MFSD8: variants seen among roughly 807,000 people sequenced by gnomAD.
MFSD8 encodes major facilitator superfamily domain containing 8.
A neutral mutation model predicts 66.4 loss-of-function variants in MFSD8; 55 were observed. The ratio of observed to expected loss-of-function variants is 0.83; its 90% confidence interval spans 0.67 to 1.04. The LOEUF is 1.04. Ranked by LOEUF, MFSD8 falls within the 50% of genes least tolerant of loss-of-function variation. The pLI, the probability that MFSD8 is intolerant of heterozygous loss-of-function variation, is 0.00. For synonymous variants in MFSD8, 202 were observed against 212.8 expected, an observed-to-expected ratio of 0.95 and a Z score of 0.44; for missense variants, 550 against 627.6, an observed-to-expected ratio of 0.88 and a Z score of 1.32.
intron 2 of MFSD8, among the ~76,000 whole-genome samples, chr4:127,950,137 A>G (rs1741701205): frequency 6.6e-6 from 1 of 152,228 alleles, no homozygotes; most frequent in Non-Finnish European, 1.5e-5. Context: ...AAGCTTTGTT[A>G]AGTTTTTATA....
At chr4:127,959,367 C>T (rs1743375749) in intron 1 of MFSD8, among the ~76,000 whole-genome samples, 1 of 152,138 alleles carries the variant, frequency 6.6e-6, no homozygotes, top group East Asian at 1.9e-4. Flanking sequence ...CATTGATTAT[C>T]TCCTGCATAT....
At chr4:127,940,117 G>T (rs1739905784) in intron 5 of MFSD8, 120 bp from the exon 6 acceptor site, 4 of 985,714 alleles carry the variant, frequency 4.1e-6, no homozygotes. Flanking sequence ...TCTATATCAT[G>T]CATTCTCAAC....
chr4:127,936,461 C>T (rs566959578), intron 7 of MFSD8, among the ~76,000 whole-genome samples: 3 of 151,902 alleles, frequency 2.0e-5, no homozygotes, highest in South Asian at 4.2e-4. Context: ...TGCAGTGGCT[C>T]ACACCTGTAA....
intron 1 of MFSD8, chr4:127,964,749 G>A (rs1744712240): frequency 2.1e-6 from 1 of 474,488 alleles, no homozygotes; most frequent in South Asian, 2.1e-5. Context: ...GGCAGAGGAG[G>A]CCTGGAGAGC....
At chr4:127,947,898 A>ACACTCTCTCT (rs777137519) in intron 3 of MFSD8, among the ~76,000 whole-genome samples, 1 of 146,850 alleles carries the variant, frequency 6.8e-6, no homozygotes, top group African/African-American at 2.6e-5. Context: ...ACACACACAC[A>ACACTCTCTCT]CTCTCTCTCC....
rs1334064077 is a variant in MFSD8 at position 127,921,601 on chromosome 4, G to C, written c.1273C>G (p.Leu425Val). 4.3e-6 allele frequency: 7 copies of C among 1,614,042 alleles called. No individual in the cohort carries two copies. Among genetic ancestry groups the C allele is most frequent in the Middle Eastern group, 3.3e-4 (2 of 6,084 alleles). ...CAGACTGGATAGCCTAATCCTATTA[G>C]CACAGCTGATGTAAGGAACTGGGCC... is the stretch of plus-strand genomic sequence containing the variant. ...HLAQFLTSAV[L>V]IGLGYPVCNL... Residue 425 changes from leucine to valine, a missense_variant, in exon 11 of 12, where the codon CTA becomes GTA. By Grantham distance (32) the Leu-to-Val change is conservative. Coordinates refer to ENST00000641686, the MANE Select transcript of MFSD8 (RefSeq NM_001371596.2).
At chr4:127,957,467 T>G in intron 2 of MFSD8, 34 bp downstream of exon 2, 1 of 1,393,998 alleles carries the variant, frequency 7.2e-7, no homozygotes, top group Non-Finnish European at 1.0e-6. Flanking sequence ...ACATCTGATC[T>G]GAATTGTTAA....
Position 127,957,592 on chromosome 4 carries a change from T to G in MFSD8, c.63A>C (p.Arg21Ser), listed in dbSNP as rs201926015. The change falls in exon 2 of 12, where the codon AGA becomes AGC. Residue 21 changes from arginine (R) to serine (S), a missense_variant and splice_region_variant. Physicochemically the swap from Arg to Ser is moderately radical, Grantham distance 110. Transcript: ENST00000641686. Reference sequence around the variant, plus strand: ...CTTCAGTCTCTAAAATGTCCCATTCTCTAGGTGTAAAGAAGAAAAAAGTAG... The same window carrying G: ...CTTCAGTCTCTAAAATGTCCCATTCGCTAGGTGTAAAGAAGAAAAAAGTAG... ...EPLLGDTPGS[R>S]EWDILETEEH... 49 of 1,604,834 alleles carry G rather than the reference T, an allele frequency of 3.1e-5. No homozygotes were observed. The highest frequency in any genetic ancestry group is 4.1e-5 in the Non-Finnish European group (48 of 1,172,898).
intron 3 of MFSD8, 63 bp from the exon 4 acceptor site, chr4:127,944,055 T>A (rs879788833): frequency 4.6e-5 from 73 of 1,603,000 alleles, no homozygotes; most frequent in Non-Finnish European, 6.1e-5. Flanking sequence ...ACTAAATACA[T>A]TTGTCATACC....
At chr4:127,931,185 C>A (rs1738064179) in intron 8 of MFSD8, among the ~76,000 whole-genome samples, 1 of 152,042 alleles carries the variant, frequency 6.6e-6, no homozygotes, top group Non-Finnish European at 1.5e-5. Context: ...TCTTTCAATG[C>A]AATAATGTTA....
At chr4:127,949,961 C>A in intron 2 of MFSD8, 114 bp from the exon 3 acceptor site, 7 of 807,208 alleles carry the variant, frequency 8.7e-6, no homozygotes, top group Non-Finnish European at 1.4e-5. Context: ...AAAATCTATG[C>A]ATACAAATGC....
intron 1 of MFSD8, among the ~76,000 whole-genome samples, chr4:127,963,630 T>A (rs1206733305): frequency 6.6e-6 from 1 of 152,176 alleles, no homozygotes; most frequent in Non-Finnish European, 1.5e-5. Flanking sequence ...TTCCTCCCCG[T>A]GGTCTCGCTG....
At chr4:127,929,756 C>T (rs531679190) in intron 9 of MFSD8, among the ~76,000 whole-genome samples, 1 of 152,174 alleles carries the variant, frequency 6.6e-6, no homozygotes, top group African/African-American at 2.4e-5. Flanking sequence ...AGTAGGGTGA[C>T]TATAGTTAGC....
chr4:127,920,930 C>T (rs971357513), intron 11 of MFSD8, 94 bp from the exon 12 acceptor site: 5 of 1,183,056 alleles, frequency 4.2e-6, no homozygotes, highest in East Asian at 5.1e-5. Flanking sequence ...AGCAAACTTA[C>T]AAGAATCATT....
intron 1 of MFSD8, 148 bp downstream of exon 1, chr4:127,964,924 C>T (rs1744764345): frequency 2.2e-6 from 2 of 921,096 alleles, no homozygotes; most frequent in Admixed American, 2.0e-5. Flanking sequence ...GAGCGAATCT[C>T]CTCGGCTCAC....
At chr4:127,962,453 G>A (rs1743947523) in intron 1 of MFSD8, among the ~76,000 whole-genome samples, 1 of 152,084 alleles carries the variant, frequency 6.6e-6, no homozygotes, top group Non-Finnish European at 1.5e-5. Flanking sequence ...AGCCCACAGA[G>A]CAAGACCCCG....
chr4:127,920,575 C>G lies in MFSD8; in HGVS notation c.*55G>C. 1 of 1,574,972 alleles carries G rather than the reference C, an allele frequency of 6.3e-7. No homozygotes were observed. The highest frequency in any genetic ancestry group is 8.7e-7 in the Non-Finnish European group (1 of 1,146,504). On this transcript the variant is annotated 3_prime_UTR_variant, in exon 12 of 12. Transcript: ENST00000641686. ...GGCTCACCGCAATTGTCTAGCAGAG[C>G]TTTAGACCAGGAAGTGCCACACAGC...
chr4:127,959,044 T>G (rs1560778308), intron 1 of MFSD8, among the ~76,000 whole-genome samples: 1 of 152,210 alleles, frequency 6.6e-6, no homozygotes, highest in Non-Finnish European at 1.5e-5. Flanking sequence ...CCTTTATAAT[T>G]GAAAGATATA....
At chr4:127,935,717 G>A (rs890112617) in intron 7 of MFSD8, among the ~76,000 whole-genome samples, 17 of 152,022 alleles carry the variant, frequency 1.1e-4, no homozygotes, top group African/African-American at 4.1e-4. Context: ...GTGACATGAC[G>A]GAAATGTTAT....
Sources: gnomAD v4.1 joint callset for allele counts (sites outside exome capture counted in the v4.1 genomes callset) on GRCh38, gnomAD v4.1.1 for gene constraint, MANE v1.5 for transcripts, NCBI Gene and HGNC (gene_info 2026-07-23, HGNC 2026-07-21) for gene names.